MGAT4C: variants seen among roughly 807,000 people sequenced by gnomAD.
MGAT4C encodes alpha-1,3-mannosyl-glycoprotein 4-beta-N-acetylglucosaminyltransferase C.
MGAT4C carries 19 observed loss-of-function variants against 40.1 expected under a neutral mutation model. That is an observed-to-expected ratio of 0.47 (90% confidence interval 0.33 to 0.70). The LOEUF is 0.70. MGAT4C is among the 30% of genes least tolerant of loss of function. MGAT4C has a pLI of 0.02. For synonymous variants in MGAT4C, 181 were observed against 187.1 expected (o/e 0.97, Z 0.27); for missense variants, 491 against 563.2 (o/e 0.87, Z 1.30).
intron 1 of MGAT4C, among the ~76,000 whole-genome samples, chr12:86,743,352 A>G (rs1360822677): frequency 6.6e-5 from 10 of 151,624 alleles, no homozygotes; most frequent in Admixed American, 5.9e-4. Flanking sequence ...GAAAATTGCA[A>G]TGCATACTTC....
intron 1 of MGAT4C, among the ~76,000 whole-genome samples, chr12:86,087,303 A>G (rs1872049979): frequency 6.6e-6 from 1 of 152,072 alleles, no homozygotes; most frequent in Non-Finnish European, 1.5e-5. Context: ...TTAAAATTGT[A>G]TCTTTTAATT....
chr12:86,814,342 A>G (rs1309358809), intron 1 of MGAT4C, among the ~76,000 whole-genome samples: 106 of 1,958 alleles, frequency 0.054, 2 homozygotes, highest in South Asian at 0.17. Flanking sequence ...ATATATATAC[A>G]TATATATACA....
intron 1 of MGAT4C, among the ~76,000 whole-genome samples, chr12:86,824,684 A>T (rs548467663): frequency 2.7e-5 from 4 of 149,096 alleles, no homozygotes; most frequent in African/African-American, 9.8e-5. Flanking sequence ...CAGTAAGTTT[A>T]CTTGATATCA....
chr12:86,464,079 A>C (rs1957641684), intron 2 of MGAT4C, among the ~76,000 whole-genome samples: 1 of 152,120 alleles, frequency 6.6e-6, no homozygotes, highest in African/African-American at 2.4e-5. Flanking sequence ...TGGTTGATAA[A>C]CCAATCTAGT....
intron 1 of MGAT4C, among the ~76,000 whole-genome samples, chr12:86,219,113 G>T (rs1159284858): frequency 6.6e-6 from 1 of 152,082 alleles, no homozygotes; most frequent in Non-Finnish European, 1.5e-5. Context: ...CCAGGAGGTG[G>T]AGGTTGCAGT....
intron 2 of MGAT4C, among the ~76,000 whole-genome samples, chr12:86,010,785 C>G (rs886679289): frequency 4.6e-5 from 7 of 152,160 alleles, no homozygotes; most frequent in Admixed American, 2.0e-4. Context: ...GTGACTGGAT[C>G]ATGAGGCTTC....
At chr12:86,296,950 A>G (rs1227512694) in intron 4 of MGAT4C, among the ~76,000 whole-genome samples, 1 of 152,232 alleles carries the variant, frequency 6.6e-6, no homozygotes, top group Non-Finnish European at 1.5e-5. Flanking sequence ...GCACGCTGTC[A>G]CCTCTCAGTA....
intron 1 of MGAT4C, among the ~76,000 whole-genome samples, chr12:86,807,076 CTATA>C (rs1952371094): frequency 6.6e-6 from 1 of 150,996 alleles, no homozygotes; most frequent in Admixed American, 6.6e-5. Context: ...ATATATGAAA[CTATA>C]TATAAGTTGC....
rs1042655882 is a variant in MGAT4C, at chr12:86,189,805, C to T, written c.-57+66434G>A. Among the ~76,000 whole-genome samples the T allele has an allele frequency of 3.3e-5, 5 of 151,984 alleles. No individual in the cohort carries two copies. The South Asian group carries it at 1.0e-3, about 31-fold the overall frequency. ...CATGGGTAGTCTTGTAGTTCACTCT[C>T]TAAGTCCTTTTGTATTCCCTCCAAA... is the stretch of plus-strand genomic sequence containing the variant. On this transcript the variant is annotated intron_variant, in intron 1 of 4. Coordinates refer to ENST00000611864, the MANE Select transcript of MGAT4C (RefSeq NM_001351288.2).
intron 2 of MGAT4C, among the ~76,000 whole-genome samples, chr12:86,722,259 A>C (rs540170717): frequency 5.9e-4 from 90 of 152,010 alleles, no homozygotes; most frequent in Non-Finnish European, 1.0e-3. Flanking sequence ...GCATTGCTAC[A>C]GGCCAGAGAA....
rs145761225 is a variant in MGAT4C, at chr12:86,774,695, T to C, written c.-261-47454A>G. Among the ~76,000 whole-genome samples the C allele has an allele frequency of 3.3e-3, 506 of 152,166 alleles. 2 individuals carry two copies. The highest frequency in any genetic ancestry group is 0.012 in the African/African-American group (498 of 41,484). On this transcript the variant is annotated intron_variant, in intron 1 of 7. Coordinates refer to the MGAT4C transcript ENST00000548651. ...TCCTTAACCTGTTAATATGATTCTT[T>C]ATTACTATAAAAGATTTTAATTTAC... is the stretch of plus-strand genomic sequence containing the variant.
upstream of MGAT4C, among the ~76,000 whole-genome samples, chr12:86,261,250 T>A (rs893840975): frequency 2.6e-5 from 4 of 152,114 alleles, no homozygotes; most frequent in African/African-American, 9.7e-5. Context: ...CCAAATTGCA[T>A]CAACTTCACT....
chr12:86,591,456 C>A (rs1270136506), intron 2 of MGAT4C, among the ~76,000 whole-genome samples: 1 of 151,762 alleles, frequency 6.6e-6, no homozygotes, highest in African/African-American at 2.4e-5. Flanking sequence ...AGTTTTCCAC[C>A]TAGTATTTGA....
intron 3 of MGAT4C, among the ~76,000 whole-genome samples, chr12:86,388,660 A>G (rs1956105093): frequency 6.8e-6 from 1 of 146,524 alleles, no homozygotes; most frequent in Non-Finnish European, 1.5e-5. Flanking sequence ...ATCAATAAAC[A>G]CTTCAGCGTT....
At position 86,765,869 on chromosome 12, in the gene MGAT4C, A is replaced by G. The variant is rs574785919; in HGVS notation, c.-261-38628T>C. On this transcript the variant is annotated intron_variant, in intron 1 of 7. Transcript: ENST00000548651. Reference sequence around the variant, plus strand: ...CCCTAAAAGAGCTCCTGAAGGAAGCAATAAACATGGAAAGGAACAACTGGT... The same window carrying G: ...CCCTAAAAGAGCTCCTGAAGGAAGCGATAAACATGGAAAGGAACAACTGGT... Among the ~76,000 whole-genome samples, 18 of 152,342 alleles carry G rather than the reference A, an allele frequency of 1.2e-4. No individual in the cohort carries two copies. The East Asian group carries it at 2.5e-3, about 21-fold the overall frequency.
chr12:86,322,315 A>G (rs1252359554), intron 4 of MGAT4C, among the ~76,000 whole-genome samples: 1 of 151,852 alleles, frequency 6.6e-6, no homozygotes, highest in Admixed American at 6.6e-5. Flanking sequence ...TGGCACATGT[A>G]TACATATGTA....
At chr12:86,568,567 T>TAC (rs56706543) in intron 2 of MGAT4C, among the ~76,000 whole-genome samples, 8 of 149,448 alleles carry the variant, frequency 5.4e-5, no homozygotes, top group Non-Finnish European at 1.2e-4. Context: ...TATATATATA[T>TAC]CCTGTTAGTT....
At chr12:86,823,355 A>G (rs1952739564) in intron 1 of MGAT4C, among the ~76,000 whole-genome samples, 1 of 151,244 alleles carries the variant, frequency 6.6e-6, no homozygotes, top group South Asian at 2.1e-4. Context: ...TGAAAAAATA[A>G]AGGAAACTGG....
intron 4 of MGAT4C, among the ~76,000 whole-genome samples, chr12:86,333,721 A>C (rs1425639233): frequency 6.6e-6 from 1 of 152,158 alleles, no homozygotes; most frequent in African/African-American, 2.4e-5. Flanking sequence ...AATTATGTTA[A>C]AAAAAGGCAT....
Sources: gnomAD v4.1 joint callset for allele counts (sites outside exome capture counted in the v4.1 genomes callset) on GRCh38, gnomAD v4.1.1 for gene constraint, MANE v1.5 for transcripts, NCBI Gene and HGNC (gene_info 2026-07-23, HGNC 2026-07-21) for gene names.